The following FRMD3 variants were observed in gnomAD, a reference collection of about 807,000 sequenced individuals.
The protein encoded by FRMD3 is FERM domain-containing protein 3.
Under a neutral mutation model 70.2 loss-of-function variants are expected in FRMD3, and 33 were observed. That is an observed-to-expected ratio of 0.47 (90% CI 0.36 to 0.63). FRMD3 has a LOEUF of 0.63. Ranked by LOEUF, FRMD3 falls within the 20% of genes least tolerant of loss-of-function variation. FRMD3 has a pLI of 0.00. For missense variants in FRMD3, 632 were observed against 711.4 expected (o/e 0.89, Z 1.27); for synonymous variants, 279 against 255.9 (o/e 1.09, Z -0.86).
At chr9:83,493,231 A>G (rs1828869706) in intron 1 of FRMD3, among the ~76,000 whole-genome samples, 1 of 152,130 alleles carries the variant, frequency 6.6e-6, no homozygotes, top group African/African-American at 2.4e-5. Context: ...CCCCTTTTCT[A>G]AACTGACACT....
chr9:83,277,599 G>A (rs1292845427), intron 13 of FRMD3, among the ~76,000 whole-genome samples: 1 of 152,170 alleles, frequency 6.6e-6, no homozygotes, highest in Non-Finnish European at 1.5e-5. Flanking sequence ...GAGCTCAAGT[G>A]ATACTCCTGC....
rs1022034769 is a variant in FRMD3, at chr9:83,502,346, C to T, written c.147+35739G>A. On this transcript the variant is annotated intron_variant, in intron 1 of 13. Transcript: ENST00000304195. ...TTCCCAGTACCAGAAGTAGAGGTGACGTGCCAGGTGCCTGCTAAAGCTAAA... is the reference window on the plus strand; with the variant it reads ...TTCCCAGTACCAGAAGTAGAGGTGATGTGCCAGGTGCCTGCTAAAGCTAAA... Among the ~76,000 whole-genome samples, 20 of 152,132 alleles carry T rather than the reference C, an allele frequency of 1.3e-4. 1 individual carries two copies. The highest frequency in any genetic ancestry group is 4.8e-4 in the African/African-American group (20 of 41,438).
the FRMD3 span, among the ~76,000 whole-genome samples, chr9:83,585,449 G>C: frequency 6.6e-6 from 1 of 152,174 alleles, no homozygotes; most frequent in Admixed American, 6.5e-5. Flanking sequence ...TGGGCACATT[G>C]CTACCTATAA....
rs1055408994 is a variant in FRMD3, at chr9:83,313,540, A to T, written c.684+120T>A. Reference sequence around the variant, plus strand: ...CAGCCCACTGTTGTCCCTTCCAATGAGGGACCGTGGGCCAAGCTGTGGGAA... The same window carrying T: ...CAGCCCACTGTTGTCCCTTCCAATGTGGGACCGTGGGCCAAGCTGTGGGAA... On this transcript the variant is annotated intron_variant, in intron 7 of 13. Coordinates refer to ENST00000304195, the MANE Select transcript of FRMD3 (RefSeq NM_174938.6). 3.1e-5 allele frequency: 23 copies of T among 752,796 alleles called. No homozygotes were observed. The South Asian group carries it at 3.7e-4, about 12-fold the overall frequency. 46.6% of individuals were successfully genotyped at this position (752,796 alleles called of 1,614,324 possible). A position where few individuals can be genotyped will look rare whatever the true frequency, so the allele number is the denominator to read the frequency against.
At chr9:83,373,053 G>T in intron 2 of FRMD3, 98 bp from the exon 3 acceptor site, 2 of 963,036 alleles carry the variant, frequency 2.1e-6, no homozygotes, top group South Asian at 1.3e-5. Context: ...GTACAGCCTC[G>T]GTTTCCATAG....
At chr9:83,317,180 C>T (rs961251047) in intron 6 of FRMD3, among the ~76,000 whole-genome samples, 5 of 140,162 alleles carry the variant, frequency 3.6e-5, no homozygotes, top group African/African-American at 8.1e-5. Context: ...ATTATTGAGC[C>T]GTCTCTCATG....
At chr9:83,474,271 CT>C (rs1420075643) in intron 1 of FRMD3, among the ~76,000 whole-genome samples, 2 of 152,188 alleles carry the variant, frequency 1.3e-5, no homozygotes, top group Non-Finnish European at 2.9e-5. Flanking sequence ...TTCTTTCTTA[CT>C]ATCTGGAAGA....
At chr9:83,374,300 C>T (rs1825074262) in intron 2 of FRMD3, among the ~76,000 whole-genome samples, 1 of 151,976 alleles carries the variant, frequency 6.6e-6, no homozygotes, top group Non-Finnish European at 1.5e-5. Flanking sequence ...AATCTAGAAA[C>T]CACTGAGGGT....
intron 6 of FRMD3, among the ~76,000 whole-genome samples, chr9:83,326,832 AT>A (rs2131108918): frequency 6.6e-6 from 1 of 152,340 alleles, no homozygotes; most frequent in East Asian, 1.9e-4. Context: ...AGAGCTAACA[AT>A]TCTCCAAAGA....
intron 1 of FRMD3, among the ~76,000 whole-genome samples, chr9:83,507,972 T>G (rs1265524142): frequency 6.6e-6 from 1 of 151,740 alleles, no homozygotes; most frequent in East Asian, 1.9e-4. Context: ...GTGCAATAGG[T>G]TTAACACCAG....
intron 1 of FRMD3, among the ~76,000 whole-genome samples, chr9:83,489,610 G>C (rs1028969667): frequency 6.6e-6 from 1 of 152,130 alleles, no homozygotes; most frequent in Non-Finnish European, 1.5e-5. Flanking sequence ...AAAAATAACA[G>C]ATGCTAGCAA....
intron 13 of FRMD3, among the ~76,000 whole-genome samples, chr9:83,289,760 A>C (rs1454535379): frequency 1.3e-5 from 2 of 152,172 alleles, no homozygotes; most frequent in South Asian, 2.1e-4. Context: ...GGTTCCAATA[A>C]GTTTATTTTG....
intron 4 of FRMD3, among the ~76,000 whole-genome samples, chr9:83,344,641 T>C (rs1427131956): frequency 1.3e-5 from 2 of 150,588 alleles, no homozygotes; most frequent in African/African-American, 4.9e-5. Flanking sequence ...CAGACTTGGA[T>C]TGGAATCTAC....
At chr9:83,313,835 A>G in intron 6 of FRMD3, 88 bp from the exon 7 acceptor site, 1 of 956,650 alleles carries the variant, frequency 1.0e-6, no homozygotes, top group Non-Finnish European at 1.7e-6. Flanking sequence ...ATGGTGTTCT[A>G]AGCTAAATAA....
intron 10 of FRMD3, among the ~76,000 whole-genome samples, chr9:83,307,828 A>C (rs1488743614): frequency 6.6e-6 from 1 of 152,256 alleles, no homozygotes; most frequent in Non-Finnish European, 1.5e-5. Flanking sequence ...TCCATTTAAA[A>C]AATTTTTTTT....
chr9:83,538,152 G>T lies in FRMD3; in HGVS notation c.80C>A (p.Ser27Ter). 6.2e-7 allele frequency: 1 copy of T among 1,613,400 alleles called. No homozygotes were observed. The highest frequency in any genetic ancestry group is 8.5e-7 in the Non-Finnish European group (1 of 1,179,716). The change falls in exon 1 of 14, where the codon TCG (serine) becomes TAG (stop). Residue 27 changes from serine (S) to a stop codon, truncating the protein, a stop_gained. Coordinates refer to ENST00000304195, the MANE Select transcript of FRMD3 (RefSeq NM_174938.6). LOFTEE classifies it high-confidence loss of function. This position sits in a 1 kb window ranked among gnomAD's most constrained non-coding sequence, Gnocchi z 4.7. ...MIHFRSSSVKSLSQEMRCTIR... is the reference protein window; with the variant it reads ...MIHFRSSSVK ...GGTGCATCTCATCTCCTGGCTGAGC[G>T]ATTTGACGCTGGAGCTCCGAAAGTG...
At chr9:83,392,807 G>A (rs1420866803) in intron 1 of FRMD3, among the ~76,000 whole-genome samples, 1 of 152,128 alleles carries the variant, frequency 6.6e-6, no homozygotes, top group African/African-American at 2.4e-5. Flanking sequence ...CAAGGTCTGT[G>A]TGCAGAAGTG....
the FRMD3 span, among the ~76,000 whole-genome samples, chr9:83,562,048 G>T: frequency 2.6e-5 from 4 of 152,206 alleles, no homozygotes; most frequent in Non-Finnish European, 5.9e-5. Flanking sequence ...TATATTTGGA[G>T]AATAAAGGAA....
chr9:83,468,021 G>A (rs1828175527), intron 1 of FRMD3, among the ~76,000 whole-genome samples: 1 of 151,890 alleles, frequency 6.6e-6, no homozygotes, highest in African/African-American at 2.4e-5. Context: ...AAAATCAGTG[G>A]GAATAAAGAC....
Sources: allele counts gnomAD v4.1 joint callset (sites outside exome capture counted in the v4.1 genomes callset), GRCh38; gene constraint gnomAD v4.1.1; non-coding constraint Gnocchi (gnomAD v3.1); transcripts MANE v1.5; gene names NCBI Gene and HGNC (gene_info 2026-07-23, HGNC 2026-07-21).